SUPT3H: variants seen among roughly 807,000 people sequenced by gnomAD.
SUPT3H encodes transcription initiation protein SPT3 homolog.
A neutral mutation model predicts 44.3 loss-of-function variants in SUPT3H; 44 were observed. The observed-to-expected ratio is 0.99, with a 90% confidence interval of 0.78 to 1.28. The LOEUF (loss-of-function observed/expected upper bound fraction) is 1.28. Among genes scored for constraint, SUPT3H ranks in the 50% most tolerant of loss-of-function variants. The pLI, the probability that SUPT3H is intolerant of heterozygous loss-of-function variation, is 0.00. For synonymous variants in SUPT3H, 124 were observed against 125.6 expected (o/e 0.99, Z 0.09); for missense variants, 380 against 387.1 (o/e 0.98, Z 0.15).
rs71687494 is a variant in SUPT3H at position 45,120,417 on chromosome 6, T to TAAAAAAAAAAAA, written c.102-14423_102-14412dup. On this transcript the variant is annotated intron_variant, in intron 2 of 10. Transcript: ENST00000371459. The stretch of plus-strand genomic sequence containing the variant: ...CTGGGTAACAGTGTGAGACCTTGTC[T>TAAAAAAAAAAAA]AAAAAAAAAAAAAAAAAAAAAAAAG... 3.4e-4 allele frequency among the ~76,000 whole-genome samples: 17 copies of TAAAAAAAAAAAA among 50,508 alleles called. 1 individual carries two copies. The highest frequency in any genetic ancestry group is 8.9e-4 in the African/African-American group (12 of 13,480). 33.1% of individuals were successfully genotyped at this position (50,508 alleles called of 152,430 possible). A position where few individuals can be genotyped will look rare whatever the true frequency, so the allele number is the denominator to read the frequency against.
In SUPT3H at chr6:44,877,293, C is replaced by A. The variant is rs535033707; in HGVS notation, c.913-47436G>T. 7.8e-4 allele frequency among the ~76,000 whole-genome samples: 118 copies of A among 152,134 alleles called. 2 individuals carry two copies. In the South Asian group the frequency reaches 0.022, roughly 28 times the overall value. On this transcript the variant is annotated intron_variant, in intron 10 of 10. Transcript: ENST00000371459. ...ACCAGTCTGGTCAACATGGTGAAAC[C>A]CTGTCTCTACTAAAAGCACAAAAAA...
intron 3 of SUPT3H, among the ~76,000 whole-genome samples, chr6:45,096,963 GGACT>G (rs2153566228): frequency 6.6e-6 from 1 of 152,138 alleles, no homozygotes; most frequent in Admixed American, 6.5e-5. Context: ...GGAGCTGAAA[GGACT>G]GACATAACTG....
At chr6:45,073,186 A>G (rs973103911) in intron 3 of SUPT3H, among the ~76,000 whole-genome samples, 1 of 152,076 alleles carries the variant, frequency 6.6e-6, no homozygotes, top group Non-Finnish European at 1.5e-5. Flanking sequence ...TCATTCAAAC[A>G]TATGTGTCTA....
At chr6:45,374,768 C>G (rs937313641) in intron 1 of SUPT3H, among the ~76,000 whole-genome samples, 2 of 152,130 alleles carry the variant, frequency 1.3e-5, no homozygotes, top group African/African-American at 4.8e-5. Context: ...CCAGAGGGAA[C>G]CAAAACTCAA....
At chr6:45,153,769 TA>T (rs1807331642) in intron 2 of SUPT3H, among the ~76,000 whole-genome samples, 1 of 151,508 alleles carries the variant, frequency 6.6e-6, no homozygotes, top group African/African-American at 2.4e-5. Context: ...TTGGGCAAGA[TA>T]AAAAATCAGA....
chr6:45,325,255 T>A (rs544150849), intron 2 of SUPT3H, among the ~76,000 whole-genome samples: 40 of 151,690 alleles, frequency 2.6e-4, no homozygotes, highest in African/African-American at 9.4e-4. Context: ...AGCAAATAAG[T>A]CTAAAATAAT....
At chr6:45,124,468 A>AC (rs574159170) in intron 2 of SUPT3H, among the ~76,000 whole-genome samples, 24 of 150,302 alleles carry the variant, frequency 1.6e-4, no homozygotes, top group African/African-American at 3.2e-4. Context: ...ATATGGTGAA[A>AC]CCCCCCCCTC....
chr6:45,212,586 T>C (rs1282735753), intron 2 of SUPT3H, among the ~76,000 whole-genome samples: 1 of 150,058 alleles, frequency 6.7e-6, no homozygotes, highest in African/African-American at 2.5e-5. Flanking sequence ...TGACTTTGTT[T>C]TTCTTGATTT....
chr6:44,811,760 T>TA (rs1043883157), intron 11 of SUPT3H, among the ~76,000 whole-genome samples: 1 of 152,240 alleles, frequency 6.6e-6, no homozygotes, highest in African/African-American at 2.4e-5. Context: ...GTGGCAGTTA[T>TA]ACAGAAGCAT....
chr6:45,123,063 G>A (rs1801902491), intron 2 of SUPT3H, among the ~76,000 whole-genome samples: 1 of 152,046 alleles, frequency 6.6e-6, no homozygotes, highest in Non-Finnish European at 1.5e-5. Flanking sequence ...TCTTTATTGG[G>A]TTTTCTGATT....
At chr6:45,374,812 A>G (rs1796545091) in intron 1 of SUPT3H, among the ~76,000 whole-genome samples, 1 of 152,220 alleles carries the variant, frequency 6.6e-6, no homozygotes, top group Non-Finnish European at 1.5e-5. Flanking sequence ...GCAAAATTTT[A>G]AAATTATCAG....
chr6:45,351,151 T>C (rs1208125682), intron 2 of SUPT3H, among the ~76,000 whole-genome samples: 1 of 152,092 alleles, frequency 6.6e-6, no homozygotes, highest in Non-Finnish European at 1.5e-5. Flanking sequence ...GCTGCCAAAA[T>C]GGTTGAGGAC....
chr6:45,225,704 C>T (rs1437798697), intron 2 of SUPT3H, among the ~76,000 whole-genome samples: 1 of 152,028 alleles, frequency 6.6e-6, no homozygotes, highest in African/African-American at 2.4e-5. Context: ...TAACAATAAT[C>T]CACTTTTTAA....
chr6:44,895,233 T>G (rs1274722250), intron 10 of SUPT3H, among the ~76,000 whole-genome samples: 1 of 150,682 alleles, frequency 6.6e-6, no homozygotes, highest in Non-Finnish European at 1.5e-5. Flanking sequence ...TAGTGTGATT[T>G]GTTTGTCATC....
intron 1 of SUPT3H, chr6:45,372,066 A>G (rs1482248672): frequency 2.1e-6 from 2 of 942,812 alleles, no homozygotes; most frequent in Non-Finnish European, 2.5e-6. Flanking sequence ...GGCCTCCACA[A>G]TGTGTATGTC....
At chr6:45,063,556 T>G (rs1315361724) in intron 3 of SUPT3H, among the ~76,000 whole-genome samples, 3 of 112,240 alleles carry the variant, frequency 2.7e-5, no homozygotes, top group African/African-American at 1.1e-4. Context: ...AGTTGAAAAC[T>G]TTGAAAAAAA....
intron 2 of SUPT3H, among the ~76,000 whole-genome samples, chr6:45,123,378 T>A (rs559422641): frequency 6.6e-6 from 1 of 151,372 alleles, no homozygotes; most frequent in African/African-American, 2.4e-5. Context: ...TTATTTCTTT[T>A]TTTTTTTTTT....
chr6:45,310,910 T>C (rs1410353618), intron 2 of SUPT3H, among the ~76,000 whole-genome samples: 1 of 152,064 alleles, frequency 6.6e-6, no homozygotes, highest in Non-Finnish European at 1.5e-5. Flanking sequence ...TCACCAGCAA[T>C]GGATCCAAAC....
At chr6:45,308,161 A>G (rs566494894) in intron 2 of SUPT3H, among the ~76,000 whole-genome samples, 2 of 152,344 alleles carry the variant, frequency 1.3e-5, no homozygotes, top group East Asian at 3.9e-4. Flanking sequence ...GACAGGGAGA[A>G]TGGAACCAAG....
Sources: gnomAD v4.1 joint callset for allele counts (sites outside exome capture counted in the v4.1 genomes callset) on GRCh38, gnomAD v4.1.1 for gene constraint, MANE v1.5 for transcripts, NCBI Gene and HGNC (gene_info 2026-07-23, HGNC 2026-07-21) for gene names.